SPAG16: variants seen among roughly 807,000 people sequenced by gnomAD.
SPAG16 encodes sperm-associated antigen 16 protein.
Under a neutral mutation model 80.4 loss-of-function variants are expected in SPAG16, and 86 were observed. That is an observed-to-expected ratio of 1.07 (90% CI 0.90 to 1.28). SPAG16 has a LOEUF of 1.28. Among genes scored for constraint, SPAG16 ranks in the 50% most tolerant of loss-of-function variants. SPAG16 has a pLI of 0.00. For synonymous variants in SPAG16, 294 were observed against 265.9 expected (o/e 1.11, Z -1.03); for missense variants, 870 against 765.3 (o/e 1.14, Z -1.61).
At chr2:213,350,465 A>T in intron 6 of SPAG16, 63 bp from the exon 7 acceptor site, 1 of 821,276 alleles carries the variant, frequency 1.2e-6, no homozygotes, top group Non-Finnish European at 1.8e-6. Flanking sequence ...TTTTGATGTT[A>T]GATGGAAATT....
chr2:214,287,797 T>C (rs1450257272), intron 15 of SPAG16, among the ~76,000 whole-genome samples: 1 of 152,214 alleles, frequency 6.6e-6, no homozygotes, highest in East Asian at 1.9e-4. Context: ...AAGTGTTTTA[T>C]TGAAACAAAA....
chr2:214,226,678 T>C (rs1266443668), intron 15 of SPAG16, among the ~76,000 whole-genome samples: 2 of 151,994 alleles, frequency 1.3e-5, no homozygotes. Context: ...AAGCTTACCC[T>C]GGTAAGCACA....
At chr2:213,416,265 C>G (rs1285680151) in intron 9 of SPAG16, among the ~76,000 whole-genome samples, 1 of 152,176 alleles carries the variant, frequency 6.6e-6, no homozygotes, top group Non-Finnish European at 1.5e-5. Flanking sequence ...CCAACTCTGC[C>G]ACACACATAT....
rs999833108 is a variant in SPAG16 at position 213,350,399 on chromosome 2, A to C, written c.645-129A>C. The C allele has an allele frequency of 7.6e-6, 4 of 529,042 alleles. No individual in the cohort carries two copies. The Admixed American group carries it at 1.1e-4, about 15-fold the overall frequency. 32.8% of individuals were successfully genotyped at this position (529,042 alleles called of 1,614,324 possible). A position where few individuals can be genotyped will look rare whatever the true frequency, so the allele number is the denominator to read the frequency against. On this transcript the variant is annotated intron_variant, in intron 6 of 15. Transcript: ENST00000331683. ...TGTGCTTCTTGGCTGTAGTGTGTTA[A>C]CCTTTATATGATTATTCATTTTTAT...
At chr2:213,707,640 C>G (rs181366906) in intron 10 of SPAG16, among the ~76,000 whole-genome samples, 1 of 152,168 alleles carries the variant, frequency 6.6e-6, no homozygotes, top group East Asian at 1.9e-4. Flanking sequence ...GCCTCATTGC[C>G]TATCATGTGC....
rs534987746 is a variant in SPAG16, at chr2:213,824,350, T to A, written c.1071-38135T>A. On this transcript the variant is annotated intron_variant, in intron 10 of 15. Coordinates refer to ENST00000331683, the MANE Select transcript of SPAG16 (RefSeq NM_024532.5). ...GACCTGGAGAGCTTCCCCAATGTTT[T>A]CTTTTAGCAGTTTCATAGTTTGAGG... Among the ~76,000 whole-genome samples, 9 of 152,370 alleles carry A rather than the reference T, an allele frequency of 5.9e-5. No homozygotes were observed. The South Asian group carries it at 1.9e-3, about 32-fold the overall frequency.
intron 10 of SPAG16, among the ~76,000 whole-genome samples, chr2:213,655,218 A>G (rs905534787): frequency 6.6e-6 from 1 of 152,214 alleles, no homozygotes; most frequent in African/African-American, 2.4e-5. Flanking sequence ...GGCTGTGCGT[A>G]TATAGGATCA....
At chr2:213,489,797 T>A (rs1040883577) in intron 9 of SPAG16, among the ~76,000 whole-genome samples, 166 bp from the exon 10 acceptor site, 2 of 152,210 alleles carry the variant, frequency 1.3e-5, no homozygotes, top group African/African-American at 2.4e-5. Flanking sequence ...TTTAAAATTT[T>A]ATCTTTTTAA....
intron 13 of SPAG16, among the ~76,000 whole-genome samples, chr2:214,055,730 T>C (rs1330292595): frequency 2.0e-5 from 3 of 152,104 alleles, no homozygotes; most frequent in Non-Finnish European, 4.4e-5. Flanking sequence ...ATTGCCTTCA[T>C]TTAAAAAAAA....
chr2:214,317,236 T>TC (rs1559207519), intron 15 of SPAG16, among the ~76,000 whole-genome samples: 1 of 152,198 alleles, frequency 6.6e-6, no homozygotes, highest in Non-Finnish European at 1.5e-5. Flanking sequence ...AGACTTTGTG[T>TC]CAACATAAGG....
Position 213,456,702 on chromosome 2 carries a change from G to T in SPAG16, c.943-33261G>T, listed in dbSNP as rs142212147. ...TGTTCAATTTATCAGTCAAGGATCT[G>T]TTTCTCCAAATTCTTCTTTGAGTGT... On this transcript the variant is annotated intron_variant, in intron 9 of 15. Coordinates refer to ENST00000331683, the MANE Select transcript of SPAG16 (RefSeq NM_024532.5). Among the ~76,000 whole-genome samples, 346 of 151,696 alleles carry T rather than the reference G, an allele frequency of 2.3e-3. 3 individuals are homozygous for T. In the East Asian group the frequency reaches 0.038, roughly 17 times the overall value.
intron 15 of SPAG16, among the ~76,000 whole-genome samples, chr2:214,365,726 A>T (rs1399570447): frequency 1.3e-5 from 2 of 152,174 alleles, no homozygotes; most frequent in African/African-American, 4.8e-5. Flanking sequence ...GAAAAATGAC[A>T]TTCAAAAACA....
chr2:213,871,311 TTAA>T (rs2075935854), intron 11 of SPAG16, among the ~76,000 whole-genome samples: 1 of 152,048 alleles, frequency 6.6e-6, no homozygotes, highest in Non-Finnish European at 1.5e-5. Flanking sequence ...GGAGGGAATG[TTAA>T]AATCCACTTT....
At chr2:213,531,151 C>T (rs1234415481) in intron 10 of SPAG16, among the ~76,000 whole-genome samples, 1 of 152,084 alleles carries the variant, frequency 6.6e-6, no homozygotes, top group Non-Finnish European at 1.5e-5. Context: ...TGAGTGTCCT[C>T]TTTACCTATA....
chr2:213,924,418 C>A (rs961325478), intron 11 of SPAG16, among the ~76,000 whole-genome samples: 1 of 152,122 alleles, frequency 6.6e-6, no homozygotes, highest in Non-Finnish European at 1.5e-5. Context: ...CACATTGATC[C>A]CAGACAGATA....
intron 9 of SPAG16, among the ~76,000 whole-genome samples, chr2:213,385,998 C>T (rs1450784926): frequency 6.6e-6 from 1 of 152,100 alleles, no homozygotes; most frequent in Non-Finnish European, 1.5e-5. Context: ...GAGTCATCTA[C>T]AGCAATTTAT....
intron 14 of SPAG16, among the ~76,000 whole-genome samples, chr2:214,111,452 G>T (rs1478799592): frequency 6.6e-6 from 1 of 152,050 alleles, no homozygotes; most frequent in Non-Finnish European, 1.5e-5. Flanking sequence ...GATGTGTGTT[G>T]TTATTTCTGA....
intron 10 of SPAG16, among the ~76,000 whole-genome samples, chr2:213,796,289 C>T (rs565208180): frequency 1.3e-5 from 2 of 152,142 alleles, no homozygotes; most frequent in African/African-American, 2.4e-5. Context: ...CCATTACCCC[C>T]GAAAAAAGTC....
At chr2:213,955,508 A>T (rs2044073281) in intron 12 of SPAG16, among the ~76,000 whole-genome samples, 1 of 152,192 alleles carries the variant, frequency 6.6e-6, no homozygotes, top group Non-Finnish European at 1.5e-5. Flanking sequence ...ATAGTAGTTT[A>T]TTATTAGACT....
Sources: allele counts gnomAD v4.1 joint callset (sites outside exome capture counted in the v4.1 genomes callset), GRCh38; gene constraint gnomAD v4.1.1; transcripts MANE v1.5; gene names NCBI Gene and HGNC (gene_info 2026-07-23, HGNC 2026-07-21).